Variants in NKAIN2 observed in about 807,000 individuals in gnomAD.
NKAIN2 encodes sodium/potassium-transporting ATPase subunit beta-1-interacting protein 2.
In NKAIN2, 14 loss-of-function variants were observed where a neutral mutation model predicts 32.6. That is an observed-to-expected ratio of 0.43 (90% CI 0.28 to 0.67). NKAIN2 has a LOEUF of 0.67. Among genes scored for constraint, NKAIN2 ranks in the 30% least tolerant of loss-of-function variants. NKAIN2 has a pLI of 0.17. For missense variants in NKAIN2, 198 were observed against 258.3 expected (o/e 0.77, Z 1.60); for synonymous variants, 80 against 87.2 (o/e 0.92, Z 0.46).
chr6:124,191,117 G>C (rs1328240093), intron 1 of NKAIN2, among the ~76,000 whole-genome samples: 1 of 152,134 alleles, frequency 6.6e-6, no homozygotes, highest in Non-Finnish European at 1.5e-5. Flanking sequence ...GAACATTACA[G>C]TATCATACAA....
intron 2 of NKAIN2, among the ~76,000 whole-genome samples, chr6:124,350,562 C>T (rs1050685957): frequency 7.2e-5 from 11 of 152,192 alleles, no homozygotes; most frequent in African/African-American, 2.4e-4. Flanking sequence ...GTAGCAATTA[C>T]CCTCTGTAGC....
chr6:124,442,014 C>T (rs1233534986), intron 3 of NKAIN2, among the ~76,000 whole-genome samples: 2 of 152,046 alleles, frequency 1.3e-5, no homozygotes, highest in Non-Finnish European at 2.9e-5. Flanking sequence ...GCTGAGTCTT[C>T]TGTCGTGTTG....
chr6:124,429,739 T>A (rs962681618), intron 3 of NKAIN2, among the ~76,000 whole-genome samples: 2 of 152,160 alleles, frequency 1.3e-5, no homozygotes, highest in Non-Finnish European at 2.9e-5. Flanking sequence ...GTGTTGGTGC[T>A]GGCACTGGTG....
intron 3 of NKAIN2, among the ~76,000 whole-genome samples, chr6:124,372,618 C>T (rs12192208): frequency 6.6e-6 from 1 of 151,954 alleles, no homozygotes; most frequent in East Asian, 1.9e-4. Context: ...TTTACCCTGA[C>T]TAAAAACAAG....
chr6:124,687,474 G>A (rs1774003114), intron 4 of NKAIN2, among the ~76,000 whole-genome samples: 1 of 55,544 alleles, frequency 1.8e-5, no homozygotes, highest in African/African-American at 5.7e-5. Flanking sequence ...ACACATACAT[G>A]GAATATATAT....
Position 124,283,141 on chromosome 6 carries a change from G to C in NKAIN2, c.191G>C (p.Gly64Ala). ...CAATATAGACCTCGTTACATAACAG[G>C]AGTAAGTACATTTTCTGCCTTTTAA... ...TIQYRPRYIT[G>A]YAVWLVLWVT... The change falls in exon 2 of 7, where the codon GGA becomes GCA. Residue 64 changes from glycine (G) to alanine (A), a missense_variant and splice_region_variant. By Grantham distance (60) the Gly-to-Ala change is moderately conservative. Transcript: ENST00000368417. 1 of 1,600,378 alleles carries C rather than the reference G, an allele frequency of 6.2e-7. No individual in the cohort carries two copies. The highest frequency in any genetic ancestry group is 8.6e-7 in the Non-Finnish European group (1 of 1,167,896).
At chr6:124,319,925 A>T (rs1264801361) in intron 2 of NKAIN2, among the ~76,000 whole-genome samples, 1 of 152,172 alleles carries the variant, frequency 6.6e-6, no homozygotes, top group Non-Finnish European at 1.5e-5. Flanking sequence ...CAGAGAAATT[A>T]GTAGCCATAA....
chr6:123,863,818 C>A (rs949832849), intron 1 of NKAIN2, among the ~76,000 whole-genome samples: 1 of 152,170 alleles, frequency 6.6e-6, no homozygotes, highest in East Asian at 1.9e-4. Flanking sequence ...TCCACTTTGA[C>A]CCTTTCCATC....
intron 1 of NKAIN2, among the ~76,000 whole-genome samples, chr6:124,072,994 T>C (rs1319951309): frequency 1.3e-5 from 2 of 152,182 alleles, no homozygotes; most frequent in East Asian, 3.8e-4. Flanking sequence ...TCATTTTCCT[T>C]AGGAAATAGA....
At chr6:124,245,141 A>C (rs1415105545) in intron 1 of NKAIN2, among the ~76,000 whole-genome samples, 2 of 152,066 alleles carry the variant, frequency 1.3e-5, no homozygotes, top group Non-Finnish European at 1.5e-5. Context: ...AACCCTAGTG[A>C]CATTTTCCTA....
At chr6:124,305,155 A>G (rs1177165281) in intron 2 of NKAIN2, among the ~76,000 whole-genome samples, 1 of 152,194 alleles carries the variant, frequency 6.6e-6, no homozygotes, top group Non-Finnish European at 1.5e-5. Context: ...AGATTAAAAA[A>G]TTAATCTATT....
intron 1 of NKAIN2, among the ~76,000 whole-genome samples, chr6:124,281,257 G>A (rs2114915819): frequency 6.6e-6 from 1 of 152,252 alleles, no homozygotes; most frequent in African/African-American, 2.4e-5. Context: ...GGCGGAGAGG[G>A]TTCTATGTTG....
chr6:124,278,066 A>C (rs895978935), intron 1 of NKAIN2, among the ~76,000 whole-genome samples: 1 of 152,174 alleles, frequency 6.6e-6, no homozygotes, highest in Non-Finnish European at 1.5e-5. Context: ...ACAAAATGCA[A>C]TTTCTTAAGG....
intron 1 of NKAIN2, among the ~76,000 whole-genome samples, chr6:123,915,594 A>G (rs534429185): frequency 5.3e-5 from 8 of 152,138 alleles, no homozygotes; most frequent in Non-Finnish European, 7.4e-5. Flanking sequence ...CTCAGGCGCA[A>G]TTTACATCGT....
intron 2 of NKAIN2, among the ~76,000 whole-genome samples, chr6:124,307,351 T>G (rs1319769099): frequency 6.6e-6 from 1 of 152,164 alleles, no homozygotes; most frequent in East Asian, 1.9e-4. Context: ...ATTAATATGC[T>G]TATGGTTAAA....
At chr6:123,962,692 A>G (rs949725129) in intron 1 of NKAIN2, among the ~76,000 whole-genome samples, 7 of 152,158 alleles carry the variant, frequency 4.6e-5, no homozygotes, top group African/African-American at 1.4e-4. Flanking sequence ...GCGGATTTGC[A>G]GCACAGGTGC....
chr6:123,822,263 C>T (rs1039122509), intron 1 of NKAIN2, among the ~76,000 whole-genome samples: 6 of 151,612 alleles, frequency 4.0e-5, no homozygotes, highest in African/African-American at 1.2e-4. Flanking sequence ...TTTGTGTACT[C>T]TTCTCTTTGC....
At chr6:124,148,832 G>C (rs149981535) in intron 1 of NKAIN2, among the ~76,000 whole-genome samples, 1 of 152,112 alleles carries the variant, frequency 6.6e-6, no homozygotes, top group Non-Finnish European at 1.5e-5. Context: ...TTATAACTAG[G>C]ATGAGATTGC....
intron 1 of NKAIN2, among the ~76,000 whole-genome samples, chr6:123,999,063 AGTCT>A (rs946663306): frequency 6.6e-6 from 1 of 151,454 alleles, no homozygotes; most frequent in Non-Finnish European, 1.5e-5. Context: ...TTTTTATGTC[AGTCT>A]TGGTGCTATT....
Sources: allele counts gnomAD v4.1 joint callset (sites outside exome capture counted in the v4.1 genomes callset), GRCh38; gene constraint gnomAD v4.1.1; transcripts MANE v1.5; gene names NCBI Gene and HGNC (gene_info 2026-07-23, HGNC 2026-07-21).